The following PSMA8 variants were observed in gnomAD, a reference collection of about 807,000 sequenced individuals.
PSMA8 encodes the protein proteasome subunit alpha-type 8.
Under a neutral mutation model 32.4 loss-of-function variants are expected in PSMA8, and 18 were observed. That is an observed-to-expected ratio of 0.56 (90% CI 0.38 to 0.82). The LOEUF (loss-of-function observed/expected upper bound fraction) is 0.82, where lower values mean the gene tolerates loss of function less well. Ranked by LOEUF, PSMA8 falls within the 40% of genes least tolerant of loss-of-function variation. PSMA8 has a pLI of 0.00. For synonymous variants in PSMA8, 104 were observed against 98.1 expected (o/e 1.06, Z -0.36); for missense variants, 298 against 300.7 (o/e 0.99, Z 0.07).
intron 4 of PSMA8, among the ~76,000 whole-genome samples, chr18:26,173,740 G>C (rs936802550): frequency 1.3e-5 from 2 of 152,022 alleles, no homozygotes; most frequent in East Asian, 1.9e-4. Flanking sequence ...ATTTTTAGTA[G>C]AGATGGGGTT....
chr18:26,187,149 A>G (rs925015948), intron 6 of PSMA8, among the ~76,000 whole-genome samples: 2 of 152,248 alleles, frequency 1.3e-5, no homozygotes, highest in African/African-American at 2.4e-5. Flanking sequence ...GTTTGAGATT[A>G]GCCTGGCCAA....
chr18:26,144,700 A>G lies in PSMA8; in HGVS notation c.229+15A>G. The G allele has an allele frequency of 6.2e-7, 1 of 1,613,066 alleles. No individual in the cohort carries two copies. Among genetic ancestry groups the G allele is most frequent in the Non-Finnish European group, 8.5e-7 (1 of 1,179,302 alleles). On this transcript the variant is annotated intron_variant, in intron 2 of 6. Transcript: ENST00000415576. ...GGCTTTTGCAGGTACTTAAGGTCCTACAATAATGATGCATAGTGTCTTACT... is the reference window on the plus strand; with the variant it reads ...GGCTTTTGCAGGTACTTAAGGTCCTGCAATAATGATGCATAGTGTCTTACT...
intron 1 of PSMA8, among the ~76,000 whole-genome samples, chr18:26,142,635 C>T (rs1376247735): frequency 6.6e-6 from 1 of 152,154 alleles, no homozygotes; most frequent in East Asian, 1.9e-4. Flanking sequence ...ATAGACAGGG[C>T]ACTTTATAAA....
chr18:26,153,824 T>C lies in PSMA8; in HGVS notation c.354+1842T>C, dbSNP rs140158348. ...ATATGAACTTCGTTGGCTCGCATTA[T>C]AGAGTAAATGATTTAAGACATTTTA... On this transcript the variant is annotated intron_variant, in intron 3 of 6. Transcript: ENST00000415576. Among the ~76,000 whole-genome samples, 138 of 152,346 alleles carry C rather than the reference T, an allele frequency of 9.1e-4. 1 individual carries two copies. The highest frequency in any genetic ancestry group is 3.2e-3 in the African/African-American group (133 of 41,590).
chr18:26,151,068 G>A (rs1452709673), intron 2 of PSMA8, among the ~76,000 whole-genome samples: 1 of 152,194 alleles, frequency 6.6e-6, no homozygotes, highest in Non-Finnish European at 1.5e-5. Context: ...TGATGGTTAA[G>A]AGTAGCATAT....
chr18:26,136,892 T>C (rs1254935475), intron 1 of PSMA8, among the ~76,000 whole-genome samples: 1 of 152,202 alleles, frequency 6.6e-6, no homozygotes, highest in Non-Finnish European at 1.5e-5. Flanking sequence ...GGGACAGTGT[T>C]TAATCCCCTT....
chr18:26,190,578 G>T (rs191169629), intron 6 of PSMA8, among the ~76,000 whole-genome samples: 1 of 152,022 alleles, frequency 6.6e-6, no homozygotes, highest in South Asian at 2.1e-4. Flanking sequence ...GCGAAACCCC[G>T]TCTCTACAAA....
Position 26,171,029 on chromosome 18 carries a change from T to C in PSMA8, c.478-7801T>C, listed in dbSNP as rs2055216340. On this transcript the variant is annotated intron_variant, in intron 4 of 6. Coordinates refer to ENST00000415576, the MANE Select transcript of PSMA8 (RefSeq NM_001025096.2). ...CTAGACTTCTGGAAAGAAAATGAGC[T>C]CCTTGTGGAGGTTCCTTGAGTTCTC... The C allele has an allele frequency of 2.6e-6, 4 of 1,556,860 alleles. No individual in the cohort carries two copies. The South Asian group carries it at 3.3e-5, about 13-fold the overall frequency.
In PSMA8 at chr18:26,133,890, G is replaced by C; in HGVS notation, c.-76G>C. The C allele has an allele frequency of 7.7e-7, 1 of 1,290,688 alleles. No individual in the cohort carries two copies. Among genetic ancestry groups the C allele is most frequent in the African/African-American group, 1.5e-5 (1 of 68,524 alleles). 80.0% of individuals were successfully genotyped at this position (1,290,688 alleles called of 1,614,324 possible). A position where few individuals can be genotyped will look rare whatever the true frequency, so the allele number is the denominator to read the frequency against. On this transcript the variant is annotated 5_prime_UTR_variant, in exon 1 of 7. Transcript: ENST00000415576. The stretch of plus-strand genomic sequence containing the variant: ...AAGCGCTTCCGGGCGGTAGCACGCT[G>C]TGTTGGCGGCGGCTCCCCGCTTGCC...
intron 4 of PSMA8, among the ~76,000 whole-genome samples, chr18:26,169,362 C>A (rs2055204070): frequency 7.5e-6 from 1 of 134,018 alleles, no homozygotes; most frequent in South Asian, 2.1e-4. Flanking sequence ...ATCAGAATAT[C>A]CTGCTACTTA....
At chr18:26,162,585 G>C (rs117190882) in intron 4 of PSMA8, among the ~76,000 whole-genome samples, 4 of 152,216 alleles carry the variant, frequency 2.6e-5, no homozygotes, top group East Asian at 3.9e-4. Context: ...TAAAATCCTG[G>C]CTGGGCGCGG....
chr18:26,152,350 G>T (rs536915201), intron 3 of PSMA8, among the ~76,000 whole-genome samples: 7 of 151,854 alleles, frequency 4.6e-5, no homozygotes, highest in Middle Eastern at 3.4e-3. Flanking sequence ...TTTGAGACAG[G>T]GTCTCACTTT....
At chr18:26,140,240 GGC>G in intron 1 of PSMA8, 1 of 664,024 alleles carries the variant, frequency 1.5e-6, no homozygotes, top group Non-Finnish European at 2.7e-6. Context: ...CAGGCAGGCT[GGC>G]TTGGCACCAC....
At chr18:26,188,270 A>G (rs577856171) in intron 6 of PSMA8, among the ~76,000 whole-genome samples, 4 of 151,938 alleles carry the variant, frequency 2.6e-5, no homozygotes, top group South Asian at 2.1e-4. Context: ...ATCAAAACAT[A>G]TGGAATACAG....
intron 4 of PSMA8, among the ~76,000 whole-genome samples, chr18:26,177,230 G>A (rs2055271129): frequency 6.6e-6 from 1 of 152,144 alleles, no homozygotes; most frequent in Admixed American, 6.6e-5. Context: ...CAATGTCTTT[G>A]ACAAGAGATA....
At chr18:26,184,147 C>T (rs1292715634) in intron 6 of PSMA8, among the ~76,000 whole-genome samples, 1 of 150,732 alleles carries the variant, frequency 6.6e-6, no homozygotes, top group Non-Finnish European at 1.5e-5. Context: ...ATTTGCCTTA[C>T]TGCTGTGGTC....
intron 4 of PSMA8, among the ~76,000 whole-genome samples, chr18:26,160,772 C>T (rs2055129139): frequency 6.6e-6 from 1 of 152,180 alleles, no homozygotes; most frequent in Admixed American, 6.5e-5. Flanking sequence ...CGCCACATGG[C>T]CTGTTGCAGA....
intron 3 of PSMA8, among the ~76,000 whole-genome samples, chr18:26,152,310 TTTTTTG>T (rs925466532): frequency 6.6e-6 from 1 of 151,984 alleles, no homozygotes; most frequent in South Asian, 2.1e-4. Context: ...TTTTGTTTTG[TTTTTTG>T]TTTTTGTTTT....
rs138668066 is a variant in PSMA8 at position 26,179,853 on chromosome 18, G to A, written c.660+723G>A. 4.0e-3 allele frequency among the ~76,000 whole-genome samples: 606 copies of A among 151,918 alleles called. 6 individuals are homozygous for A. The highest frequency in any genetic ancestry group is 0.014 in the African/African-American group (585 of 41,422). Reference sequence around the variant, plus strand: ...TAATCCCAGCTACTCGAGAGACTGAGGTGGGAGGATCACTTGAGGTCAGGA... The same window carrying A: ...TAATCCCAGCTACTCGAGAGACTGAAGTGGGAGGATCACTTGAGGTCAGGA... On this transcript the variant is annotated intron_variant, in intron 6 of 6. Coordinates refer to ENST00000415576, the MANE Select transcript of PSMA8 (RefSeq NM_001025096.2).
Sources: allele counts gnomAD v4.1 joint callset (sites outside exome capture counted in the v4.1 genomes callset), GRCh38; gene constraint gnomAD v4.1.1; transcripts MANE v1.5; gene names NCBI Gene and HGNC (gene_info 2026-07-23, HGNC 2026-07-21).